The following TTC27 variants were observed in gnomAD, a reference collection of about 807,000 sequenced individuals.
TTC27 encodes the protein tetratricopeptide repeat domain 27, also known as tetratricopeptide repeat protein 27.
TTC27 carries 79 observed loss-of-function variants against 115.9 expected under a neutral mutation model. The ratio of observed to expected loss-of-function variants is 0.68; its 90% CI spans 0.57 to 0.82. The LOEUF (loss-of-function observed/expected upper bound fraction) is 0.82, where lower values mean the gene tolerates loss of function less well. Among genes scored for constraint, TTC27 ranks in the 40% least tolerant of loss-of-function variants. The pLI, the probability that TTC27 is intolerant of heterozygous loss-of-function variation, is 0.00. For synonymous variants in TTC27, 401 were observed against 356.0 expected (o/e 1.13, Z -1.42); for missense variants, 1,054 against 993.1 (o/e 1.06, Z -0.82).
At chr2:32,806,531 A>T (rs1267828613) in intron 16 of TTC27, among the ~76,000 whole-genome samples, 1 of 152,214 alleles carries the variant, frequency 6.6e-6, no homozygotes, top group Non-Finnish European at 1.5e-5. Flanking sequence ...TTTAAAAATA[A>T]TTGCTATCAG....
chr2:32,659,847 A>G (rs1344377554), intron 5 of TTC27, among the ~76,000 whole-genome samples: 1 of 152,056 alleles, frequency 6.6e-6, no homozygotes, highest in Non-Finnish European at 1.5e-5. Context: ...ACATGAACTC[A>G]TCCTTTTTTA....
chr2:32,694,316 A>G (rs551627945), intron 9 of TTC27, among the ~76,000 whole-genome samples: 2 of 152,366 alleles, frequency 1.3e-5, no homozygotes, highest in South Asian at 2.1e-4. Context: ...GAAACATATC[A>G]GAGCCTTTTC....
intron 9 of TTC27, among the ~76,000 whole-genome samples, chr2:32,680,961 A>G (rs537066151): frequency 1.3e-5 from 2 of 152,170 alleles, no homozygotes; most frequent in African/African-American, 4.8e-5. Flanking sequence ...CTGTGAAGTA[A>G]TTAGTAACTT....
At chr2:32,810,239 A>G (rs1164453087) in intron 16 of TTC27, among the ~76,000 whole-genome samples, 1 of 152,190 alleles carries the variant, frequency 6.6e-6, no homozygotes, top group Non-Finnish European at 1.5e-5. Context: ...AGGAGGGGCT[A>G]GGACCTCTTT....
intron 13 of TTC27, among the ~76,000 whole-genome samples, chr2:32,771,470 C>G (rs919955040): frequency 6.6e-6 from 1 of 152,130 alleles, no homozygotes; most frequent in Admixed American, 6.5e-5. Flanking sequence ...ATATAAAGAC[C>G]AGTGGTAACC....
At chr2:32,732,274 A>G (rs1668316714) in intron 10 of TTC27, among the ~76,000 whole-genome samples, 1 of 152,228 alleles carries the variant, frequency 6.6e-6, no homozygotes, top group Admixed American at 6.5e-5. Flanking sequence ...GTGAGGCCAG[A>G]AAGCTTTAAA....
At chr2:32,642,882 G>A (rs1429011865) in intron 4 of TTC27, among the ~76,000 whole-genome samples, 2 of 152,210 alleles carry the variant, frequency 1.3e-5, no homozygotes, top group East Asian at 3.9e-4. Flanking sequence ...TGCTCAGGCT[G>A]GTCTTGAACT....
At chr2:32,685,191 A>G (rs1023916243) in intron 9 of TTC27, among the ~76,000 whole-genome samples, 2 of 151,820 alleles carry the variant, frequency 1.3e-5, no homozygotes, top group Admixed American at 1.3e-4. Flanking sequence ...CACCATGCCC[A>G]GCTAATTTTT....
intron 5 of TTC27, among the ~76,000 whole-genome samples, chr2:32,654,223 T>G (rs1176275616): frequency 1.3e-5 from 2 of 152,214 alleles, no homozygotes; most frequent in Admixed American, 1.3e-4. Flanking sequence ...TTTTGCAAGC[T>G]GGTCAGTAAG....
intron 1 of TTC27, 62 bp downstream of exon 1, chr2:32,628,442 G>A: frequency 7.1e-7 from 1 of 1,413,868 alleles, no homozygotes; most frequent in Non-Finnish European, 9.5e-7. Context: ...AGGGATGGCA[G>A]CGACTGATTC....
chr2:32,708,299 ACC>A (rs1667447697), intron 10 of TTC27, among the ~76,000 whole-genome samples: 1 of 61,554 alleles, frequency 1.6e-5, no homozygotes, highest in Admixed American at 1.6e-4. Flanking sequence ...TCTTTTCTCT[ACC>A]TTGTTTTTTT....
intron 12 of TTC27, 72 bp from the exon 13 acceptor site, chr2:32,758,220 A>AT: frequency 1.5e-6 from 2 of 1,346,000 alleles, no homozygotes; most frequent in South Asian, 1.3e-5. Context: ...GAGATTAAAG[A>AT]TGTATATGTG....
chr2:32,697,369 G>A (rs1667023633), intron 9 of TTC27, among the ~76,000 whole-genome samples: 1 of 152,146 alleles, frequency 6.6e-6, no homozygotes. Context: ...CAAATCTGAT[G>A]AGTCACAATT....
At chr2:32,755,348 A>C (rs983523649) in intron 12 of TTC27, among the ~76,000 whole-genome samples, 1 of 152,210 alleles carries the variant, frequency 6.6e-6, no homozygotes, top group Non-Finnish European at 1.5e-5. Context: ...CGGGAGGCCA[A>C]GGCTGGCGGA....
At chr2:32,754,019 G>T (rs1037379157) in intron 12 of TTC27, among the ~76,000 whole-genome samples, 9 of 151,700 alleles carry the variant, frequency 5.9e-5, no homozygotes, top group African/African-American at 2.2e-4. Flanking sequence ...AGGTTGCAGT[G>T]AGCAGATCAT....
At chr2:32,717,007 AAT>A (rs1667775213) in intron 10 of TTC27, among the ~76,000 whole-genome samples, 1 of 51,450 alleles carries the variant, frequency 1.9e-5, no homozygotes, top group Non-Finnish European at 3.7e-5. Context: ...ATTTTTTTTT[AAT>A]TTTTTTTTTT....
chr2:32,813,107 T>G (rs958182771), intron 18 of TTC27, among the ~76,000 whole-genome samples: 1 of 152,204 alleles, frequency 6.6e-6, no homozygotes, highest in Non-Finnish European at 1.5e-5. Context: ...ACATATAAAA[T>G]TATATGCCTG....
At chr2:32,687,011 G>C (rs1042559885) in intron 9 of TTC27, among the ~76,000 whole-genome samples, 3 of 151,826 alleles carry the variant, frequency 2.0e-5, no homozygotes, top group African/African-American at 7.3e-5. Flanking sequence ...CACCCAGCTA[G>C]TTTTCGTATT....
chr2:32,763,983 G>C (rs145793956), intron 13 of TTC27, among the ~76,000 whole-genome samples: 1 of 152,028 alleles, frequency 6.6e-6, no homozygotes, highest in African/African-American at 2.4e-5. Flanking sequence ...TATTATTCCT[G>C]TTAACACTCT....
Sources: gnomAD v4.1 joint callset for allele counts (sites outside exome capture counted in the v4.1 genomes callset) on GRCh38, gnomAD v4.1.1 for gene constraint, MANE v1.5 for transcripts, NCBI Gene and HGNC (gene_info 2026-07-23, HGNC 2026-07-21) for gene names.